CNTNAP5: variants seen among roughly 807,000 people sequenced by gnomAD.
CNTNAP5 encodes contactin associated protein family member 5.
In CNTNAP5, 72 loss-of-function variants were observed where a neutral mutation model predicts 150.2. That is an observed-to-expected ratio of 0.48 (90% confidence interval 0.40 to 0.58). The LOEUF is 0.58. CNTNAP5 is among the 20% of genes least tolerant of loss of function. The probability of loss-of-function intolerance (pLI) is 0.00; values close to 1 mark genes in which losing one functional copy is unlikely to be tolerated. For synonymous variants in CNTNAP5, 672 were observed against 619.8 expected (o/e 1.08, Z -1.25); for missense variants, 1,636 against 1,626.2 (o/e 1.01, Z -0.10).
At chr2:124,660,304 A>G (rs767021331) in intron 13 of CNTNAP5, among the ~76,000 whole-genome samples, 12 of 152,160 alleles carry the variant, frequency 7.9e-5, no homozygotes, top group Non-Finnish European at 1.5e-4. Flanking sequence ...GTTAAAAAGC[A>G]TGGAGGTGAT....
At chr2:124,587,362 G>A (rs1310365306) in intron 11 of CNTNAP5, among the ~76,000 whole-genome samples, 1 of 152,120 alleles carries the variant, frequency 6.6e-6, no homozygotes, top group East Asian at 1.9e-4. Flanking sequence ...TCTTACCATA[G>A]TATTGAATCA....
At chr2:124,802,530 G>C (rs1681991096) in intron 19 of CNTNAP5, among the ~76,000 whole-genome samples, 1 of 152,304 alleles carries the variant, frequency 6.6e-6, no homozygotes, top group Non-Finnish European at 1.5e-5. Flanking sequence ...AGAGAAGGCA[G>C]TTTTAGTTCT....
chr2:124,212,623 TTAA>T (rs1686041587), intron 1 of CNTNAP5, among the ~76,000 whole-genome samples: 3 of 152,254 alleles, frequency 2.0e-5, no homozygotes, highest in Admixed American at 2.0e-4. Flanking sequence ...CCTTAAAAGT[TTAA>T]TAGCTTTACC....
chr2:124,539,052 G>C (rs1485811061), intron 10 of CNTNAP5, among the ~76,000 whole-genome samples: 4 of 152,104 alleles, frequency 2.6e-5, no homozygotes, highest in African/African-American at 9.7e-5. Context: ...GTTTTTCCCT[G>C]GTCCAAAAGC....
At chr2:124,426,003 T>TTCTA (rs1692229543) in intron 4 of CNTNAP5, among the ~76,000 whole-genome samples, 1 of 152,100 alleles carries the variant, frequency 6.6e-6, no homozygotes, top group African/African-American at 2.4e-5. Flanking sequence ...AAATTTTAAG[T>TTCTA]GCACCCCGAA....
At chr2:124,196,577 A>T (rs180677585) in intron 1 of CNTNAP5, among the ~76,000 whole-genome samples, 1 of 152,314 alleles carries the variant, frequency 6.6e-6, no homozygotes, top group Non-Finnish European at 1.5e-5. Flanking sequence ...GTTGCTACAA[A>T]AGTATAACGT....
In CNTNAP5 at chr2:124,336,124, CAG is replaced by C. The variant is rs138115463; in HGVS notation, c.382-81317_382-81316del. Among the ~76,000 whole-genome samples, 717 of 151,898 alleles carry C rather than the reference CAG, an allele frequency of 4.7e-3. 12 individuals carry two copies. Among genetic ancestry groups the C allele is most frequent in the African/African-American group, 0.016 (671 of 41,468 alleles). On this transcript the variant is annotated intron_variant, in intron 3 of 23. Transcript: ENST00000682447. ...AAATGAATGGGCAAAGAGCAGATAA[CAG>C]ATTTTAAATGATATTCTTTGGAAAT...
chr2:124,451,813 G>C (rs149505866), intron 6 of CNTNAP5, among the ~76,000 whole-genome samples: 1 of 152,070 alleles, frequency 6.6e-6, no homozygotes, highest in African/African-American at 2.4e-5. Context: ...TCTAGATTAC[G>C]GGAGAAGATT....
intron 13 of CNTNAP5, among the ~76,000 whole-genome samples, chr2:124,662,439 A>C (rs1372017664): frequency 6.6e-6 from 1 of 152,154 alleles, no homozygotes; most frequent in Non-Finnish European, 1.5e-5. Context: ...TGTACATGAG[A>C]TCTGTTGTTG....
chr2:124,474,737 AG>A lies in CNTNAP5; in HGVS notation c.919-1del. The stretch of plus-strand genomic sequence containing the variant: ...AGTTTGTTTCTATTTTCACCCCAAA[AG>A]CTTAGTTTTGGAGGAATTCCAGTAC... On this transcript the variant is annotated splice_acceptor_variant, in intron 6 of 23. Coordinates refer to ENST00000682447, the MANE Select transcript of CNTNAP5 (RefSeq NM_001367498.1). LOFTEE classifies it high-confidence loss of function. The A allele has an allele frequency of 6.4e-7, 1 of 1,558,040 alleles. No individual in the cohort carries two copies. The highest frequency in any genetic ancestry group is 8.6e-7 in the Non-Finnish European group (1 of 1,158,094).
chr2:124,872,912 G>T (rs1234884453), intron 21 of CNTNAP5, among the ~76,000 whole-genome samples: 6 of 152,036 alleles, frequency 3.9e-5, no homozygotes, highest in Admixed American at 3.3e-4. Context: ...TTTACAGCAA[G>T]GTACTACAGA....
intron 19 of CNTNAP5, among the ~76,000 whole-genome samples, chr2:124,846,245 A>G (rs142058003): frequency 8.4e-4 from 128 of 152,160 alleles, no homozygotes; most frequent in Non-Finnish European, 1.5e-3. Context: ...TAGAATTTTC[A>G]TCTTGATTTC....
At chr2:124,128,006 T>A (rs376131540) in intron 1 of CNTNAP5, among the ~76,000 whole-genome samples, 1 of 151,950 alleles carries the variant, frequency 6.6e-6, no homozygotes, top group East Asian at 1.9e-4. Flanking sequence ...TTGGGCAAGG[T>A]CTTCATGACT....
chr2:124,822,354 A>G (rs1470803591), intron 19 of CNTNAP5, among the ~76,000 whole-genome samples: 1 of 152,036 alleles, frequency 6.6e-6, no homozygotes, highest in Non-Finnish European at 1.5e-5. Context: ...CCTTGTCTTA[A>G]CTCTTGCCCT....
At chr2:124,824,504 T>G (rs1682553712) in intron 19 of CNTNAP5, among the ~76,000 whole-genome samples, 1 of 152,156 alleles carries the variant, frequency 6.6e-6, no homozygotes, top group Non-Finnish European at 1.5e-5. Flanking sequence ...AATCTCACTC[T>G]GAAGGATGCC....
At chr2:124,425,285 C>T (rs371155306) in intron 4 of CNTNAP5, among the ~76,000 whole-genome samples, 25 of 152,210 alleles carry the variant, frequency 1.6e-4, no homozygotes, top group East Asian at 5.8e-4. Context: ...GGTCAACTAC[C>T]GTAAGGGAGA....
intron 1 of CNTNAP5, among the ~76,000 whole-genome samples, chr2:124,149,426 A>AAAC (rs1553442214): frequency 1.3e-4 from 18 of 141,452 alleles, no homozygotes; most frequent in African/African-American, 4.4e-4. Context: ...AAAAAAAAAA[A>AAAC]CTCAGGAAAA....
chr2:124,194,709 A>C (rs1181661557), intron 1 of CNTNAP5, among the ~76,000 whole-genome samples: 1 of 150,542 alleles, frequency 6.6e-6, no homozygotes, highest in Admixed American at 6.6e-5. Flanking sequence ...CATATAACAT[A>C]ATATTTTATA....
At chr2:124,161,674 A>G (rs1479825946) in intron 1 of CNTNAP5, among the ~76,000 whole-genome samples, 1 of 152,220 alleles carries the variant, frequency 6.6e-6, no homozygotes, top group East Asian at 1.9e-4. Context: ...ATTTTGAAAG[A>G]TGATAATCTC....
Sources: allele counts gnomAD v4.1 joint callset (sites outside exome capture counted in the v4.1 genomes callset), GRCh38; gene constraint gnomAD v4.1.1; transcripts MANE v1.5; gene names NCBI Gene and HGNC (gene_info 2026-07-23, HGNC 2026-07-21).